The following COL24A1 variants were observed in gnomAD, a reference collection of about 807,000 sequenced individuals.
COL24A1 encodes collagen type XXIV alpha 1 chain, also known as collagen alpha-1(XXIV) chain.
COL24A1 carries 224 observed loss-of-function variants against 253.9 expected under a neutral mutation model. The observed-to-expected ratio is 0.88, with a 90% confidence interval of 0.79 to 0.99. COL24A1 has a LOEUF of 0.99. Ranked by LOEUF, COL24A1 falls within the 50% of genes least tolerant of loss-of-function variation. COL24A1 has a pLI of 0.00. For synonymous variants in COL24A1, 685 were observed against 673.7 expected, an observed-to-expected ratio of 1.02 and a Z score of -0.26; for missense variants, 2,131 against 2,068.5, an observed-to-expected ratio of 1.03 and a Z score of -0.59.
At chr1:85,951,381 A>C (rs606432) in intron 24 of COL24A1, among the ~76,000 whole-genome samples, 70,016 of 151,928 alleles carry the variant, frequency 0.46, 16,835 homozygotes, top group East Asian at 0.75. Context: ...CATGGTTGAG[A>C]AGGTAATTTA....
At chr1:85,754,929 G>T (rs1247856327) in intron 55 of COL24A1, among the ~76,000 whole-genome samples, 2 of 152,128 alleles carry the variant, frequency 1.3e-5, no homozygotes. Flanking sequence ...GATCATGGCT[G>T]AAAACATCAC....
chr1:86,109,428 C>T (rs1271331781), intron 5 of COL24A1, among the ~76,000 whole-genome samples: 1 of 152,168 alleles, frequency 6.6e-6, no homozygotes, highest in Non-Finnish European at 1.5e-5. Context: ...AAGAGCTTTA[C>T]TCACATTAAT....
chr1:86,049,276 G>C (rs758891621), intron 11 of COL24A1, among the ~76,000 whole-genome samples: 1 of 152,136 alleles, frequency 6.6e-6, no homozygotes, highest in Non-Finnish European at 1.5e-5. Context: ...CTTCTCTGCA[G>C]GGGCATTCAC....
chr1:85,917,889 G>A (rs1057089912), intron 24 of COL24A1, among the ~76,000 whole-genome samples: 3 of 152,006 alleles, frequency 2.0e-5, no homozygotes, highest in African/African-American at 7.2e-5. Context: ...GTAGTTTTTA[G>A]TAGAGACGGG....
At chr1:85,956,621 T>C (rs1184457992) in intron 24 of COL24A1, among the ~76,000 whole-genome samples, 1 of 152,220 alleles carries the variant, frequency 6.6e-6, no homozygotes, top group Non-Finnish European at 1.5e-5. Context: ...GACAATCATC[T>C]GAAAATCTTC....
intron 39 of COL24A1, among the ~76,000 whole-genome samples, chr1:85,846,551 A>C (rs553041428): frequency 6.6e-6 from 1 of 152,124 alleles, no homozygotes; most frequent in Admixed American, 6.5e-5. Flanking sequence ...CAATAAGAAA[A>C]AGGCAACAAT....
chr1:85,788,100 T>G (rs116264474), intron 47 of COL24A1, among the ~76,000 whole-genome samples: 106 of 152,162 alleles, frequency 7.0e-4, no homozygotes, highest in African/African-American at 2.1e-3. Context: ...TATTTTATTA[T>G]GTTTTTTGGA....
intron 5 of COL24A1, among the ~76,000 whole-genome samples, chr1:86,097,581 C>CCT (rs1553132242): frequency 1.2e-4 from 5 of 41,140 alleles, no homozygotes; most frequent in Admixed American, 7.1e-4. Flanking sequence ...TCCTCCTCCC[C>CCT]CCTCCTCCTC....
At chr1:86,053,664 T>C (rs2101703952) in intron 10 of COL24A1, among the ~76,000 whole-genome samples, 1 of 152,192 alleles carries the variant, frequency 6.6e-6, no homozygotes, top group African/African-American at 2.4e-5. Context: ...AGAGGTTCTA[T>C]ATACTTTTAC....
Position 86,071,289 on chromosome 1 carries a change from G to C in COL24A1, c.1708-7530C>G, listed in dbSNP as rs12066317. The stretch of plus-strand genomic sequence containing the variant: ...AGCAAGAAATCAAAGCATACTACTA[G>C]ATAAAAATCACCTTCACTAAATGAA... On this transcript the variant is annotated intron_variant, in intron 7 of 59. Coordinates refer to ENST00000370571, the MANE Select transcript of COL24A1 (RefSeq NM_152890.7). 3.5e-3 allele frequency among the ~76,000 whole-genome samples: 529 copies of C among 151,878 alleles called. 4 individuals carry two copies. The highest frequency in any genetic ancestry group is 0.012 in the African/African-American group (503 of 41,430).
intron 14 of COL24A1, among the ~76,000 whole-genome samples, chr1:86,031,592 G>A (rs920940123): frequency 1.3e-5 from 2 of 151,934 alleles, no homozygotes; most frequent in Middle Eastern, 3.2e-3. Context: ...TGCTTTTGAG[G>A]AAACTTTGTC....
intron 12 of COL24A1, among the ~76,000 whole-genome samples, chr1:86,040,842 A>C (rs906581204): frequency 6.6e-6 from 1 of 152,188 alleles, no homozygotes; most frequent in Admixed American, 6.6e-5. Context: ...ACTTTATGAT[A>C]GAATTAACTG....
intron 2 of COL24A1, among the ~76,000 whole-genome samples, chr1:86,141,717 T>C (rs1651108763): frequency 1.3e-5 from 2 of 151,900 alleles, no homozygotes; most frequent in Non-Finnish European, 2.9e-5. Flanking sequence ...TTTTTTTTTT[T>C]TGAGACAGAG....
chr1:85,787,594 T>C (rs911647418), intron 47 of COL24A1, among the ~76,000 whole-genome samples: 3 of 152,252 alleles, frequency 2.0e-5, no homozygotes, highest in Non-Finnish European at 4.4e-5. Context: ...TACCACATTT[T>C]CTTTATCCAG....
chr1:86,139,866 A>C (rs893682225), intron 2 of COL24A1, among the ~76,000 whole-genome samples: 1 of 152,218 alleles, frequency 6.6e-6, no homozygotes, highest in African/African-American at 2.4e-5. Context: ...TGACTAAATT[A>C]ACTAGATAAT....
chr1:86,057,781 T>C, intron 10 of COL24A1, 150 bp downstream of exon 10: 3 of 592,266 alleles, frequency 5.1e-6, no homozygotes, highest in Non-Finnish European at 8.7e-6. Flanking sequence ...ATCATAGAAG[T>C]GAAAGCAACT....
chr1:85,785,951 G>A (rs1033800108), intron 48 of COL24A1, among the ~76,000 whole-genome samples: 6 of 152,280 alleles, frequency 3.9e-5, no homozygotes, highest in East Asian at 1.9e-4. Flanking sequence ...CAGTCTGTAC[G>A]GTTATCAGAT....
At chr1:86,050,407 G>A (rs764993802) in intron 10 of COL24A1, among the ~76,000 whole-genome samples, 2 of 151,994 alleles carry the variant, frequency 1.3e-5, no homozygotes, top group Non-Finnish European at 2.9e-5. Flanking sequence ...TTAAAAATAA[G>A]CCCAAATAAT....
chr1:85,894,396 A>G (rs1464629742), intron 31 of COL24A1, among the ~76,000 whole-genome samples: 3 of 152,224 alleles, frequency 2.0e-5, no homozygotes, highest in Admixed American at 1.3e-4. Context: ...CAAACATGAA[A>G]TATCATGTTT....
Sources: gnomAD v4.1 joint callset for allele counts (sites outside exome capture counted in the v4.1 genomes callset) on GRCh38, gnomAD v4.1.1 for gene constraint, MANE v1.5 for transcripts, NCBI Gene and HGNC (gene_info 2026-07-23, HGNC 2026-07-21) for gene names.